CCT4: variants seen among roughly 807,000 people sequenced by gnomAD.
The protein encoded by CCT4 is T-complex protein 1 subunit delta.
A neutral mutation model predicts 62.5 loss-of-function variants in CCT4; 17 were observed. The observed-to-expected ratio is 0.27, with a 90% CI of 0.19 to 0.41. The LOEUF is 0.41. Among genes scored for constraint, CCT4 ranks in the 10% least tolerant of loss-of-function variants. The pLI is 1.00. For synonymous variants in CCT4, 250 were observed against 229.9 expected (o/e 1.09, Z -0.79); for missense variants, 592 against 659.2 (o/e 0.90, Z 1.12).
intron 13 of CCT4, 72 bp downstream of exon 13, chr2:61,869,368 A>G: frequency 1.2e-6 from 1 of 857,970 alleles, no homozygotes; most frequent in Non-Finnish European, 1.9e-6. Flanking sequence ...AACAACAACA[A>G]CAACAAAAAA....
intron 7 of CCT4, 97 bp from the exon 8 acceptor site, chr2:61,876,331 C>G: frequency 1.2e-6 from 1 of 831,762 alleles, no homozygotes. Context: ...ATAAATTCAA[C>G]CAAAACTATA....
At position 61,872,257 on chromosome 2, in the gene CCT4, T is replaced by C. The variant is rs1668899894; in HGVS notation, c.1316A>G (p.Tyr439Cys). 4 of 1,613,256 alleles carry C rather than the reference T, an allele frequency of 2.5e-6. No individual in the cohort carries two copies. The highest frequency in any genetic ancestry group is 2.2e-5 in the East Asian group (1 of 44,862). The change falls in exon 12 of 14, where the codon TAT becomes TGT. Residue 439 changes from tyrosine (Y) to cysteine (C), a missense_variant. Tyr to Cys is a radical substitution (Grantham distance 194). Around this residue, in one of 3 missense-constraint regions of CCT4, gnomAD observed 522 missense variants for 571.2 expected, o/e 0.91. Transcript: ENST00000394440. ...EIELALRLTE[Y>C]SRTLSGMESY... ...TTCCATACCACTCAGTGTTCGTGAATATTCAGTTAATCGTAGGGCCAACTC... is the reference window on the plus strand; with the variant it reads ...TTCCATACCACTCAGTGTTCGTGAACATTCAGTTAATCGTAGGGCCAACTC...
chr2:61,881,916 G>A (rs1553362732), intron 3 of CCT4, among the ~76,000 whole-genome samples: 1 of 148,080 alleles, frequency 6.8e-6, no homozygotes, highest in Non-Finnish European at 1.5e-5. Flanking sequence ...AACTCAGAGG[G>A]ATTTTTTTGA....
intron 1 of CCT4, among the ~76,000 whole-genome samples, chr2:61,886,765 CTT>C (rs111946452): frequency 3.4e-5 from 5 of 145,774 alleles, no homozygotes; most frequent in African/African-American, 5.0e-5. Flanking sequence ...CCAAATTTAT[CTT>C]TTTTTTTTTT....
In CCT4 at chr2:61,888,615, A is replaced by T; in HGVS notation, c.-108T>A. 1 of 1,342,976 alleles carries T rather than the reference A, an allele frequency of 7.4e-7. No individual in the cohort carries two copies. Among genetic ancestry groups the T allele is most frequent in the East Asian group, 2.6e-5 (1 of 38,298 alleles). The allele number at this position is 1,342,976 out of a possible 1,614,324, so 83.2% of individuals were successfully genotyped here. A position where few individuals can be genotyped will look rare whatever the true frequency, so the allele number is the denominator to read the frequency against. On this transcript the variant is annotated 5_prime_UTR_variant, in exon 1 of 14. Coordinates refer to ENST00000394440, the MANE Select transcript of CCT4 (RefSeq NM_006430.4). ...CCCTCACTGCCTTCACGAACCTTCC[A>T]GAAAGCGGCGCCGGCGTCGGGAGGA...
chr2:61,884,215 A>C (rs539803113), intron 2 of CCT4, among the ~76,000 whole-genome samples: 1 of 152,212 alleles, frequency 6.6e-6, no homozygotes, highest in Non-Finnish European at 1.5e-5. Context: ...ATTGTTTAAG[A>C]AGCATTAAAC....
At chr2:61,883,311 C>T in intron 3 of CCT4, 148 bp downstream of exon 3, 1 of 544,688 alleles carries the variant, frequency 1.8e-6, no homozygotes. Flanking sequence ...ATCCCAGCTA[C>T]TCAGGAGGCT....
At chr2:61,872,376 T>G in intron 11 of CCT4, 60 bp from the exon 12 acceptor site, 1 of 1,430,572 alleles carries the variant, frequency 7.0e-7, no homozygotes, top group Non-Finnish European at 9.4e-7. Context: ...TTTTTAATAA[T>G]TTGCTATTTA....
intron 8 of CCT4, 98 bp downstream of exon 8, chr2:61,875,994 TAGA>T (rs1398279436): frequency 2.9e-6 from 2 of 687,336 alleles, no homozygotes; most frequent in African/African-American, 3.6e-5. Context: ...AATACGAACT[TAGA>T]GTAAGTGCTT....
Position 61,876,990 on chromosome 2 carries a change from G to T in CCT4, c.707C>A (p.Ser236Tyr). The T allele has an allele frequency of 6.2e-7, 1 of 1,613,744 alleles. No homozygotes were observed. Among genetic ancestry groups the T allele is most frequent in the Non-Finnish European group, 8.5e-7 (1 of 1,179,670 alleles). Reference protein sequence around the residue: ...GLVLTQKVSNSGITRVEKAKI... With the variant: ...GLVLTQKVSNYGITRVEKAKI... ...GGCCTTTTCAACTCTGGTTATGCCA[G>T]AATTTGACACTTTTTGGGTGAGAAC... The change falls in exon 7 of 14, where the codon TCT becomes TAT. Residue 236 changes from serine (S) to tyrosine (Y), a missense_variant. Ser to Tyr is a moderately radical substitution (Grantham distance 144, BLOSUM62 -2). Transcript: ENST00000394440.
chr2:61,883,877 C>T (rs1014240462), intron 2 of CCT4, among the ~76,000 whole-genome samples: 1 of 151,934 alleles, frequency 6.6e-6, no homozygotes, highest in African/African-American at 2.4e-5. Context: ...TAATCAGAAA[C>T]ACGATTTCCA....
chr2:61,870,425 G>A (rs1047590472), intron 12 of CCT4, among the ~76,000 whole-genome samples: 10 of 151,888 alleles, frequency 6.6e-5, no homozygotes, highest in Admixed American at 2.0e-4. Context: ...CCTTTATCCC[G>A]GGATTACTCC....
chr2:61,881,012 A>C (rs1400575399), intron 3 of CCT4, among the ~76,000 whole-genome samples: 1 of 152,160 alleles, frequency 6.6e-6, no homozygotes, highest in Non-Finnish European at 1.5e-5. Context: ...GGCATGAACC[A>C]CCATTCCCAG....
chr2:61,879,231 G>T (rs1669061381), intron 4 of CCT4, among the ~76,000 whole-genome samples: 1 of 145,494 alleles, frequency 6.9e-6, no homozygotes, highest in African/African-American at 2.6e-5. Context: ...CTTATTAATG[G>T]TCTTGACTAA....
chr2:61,872,365 AT>A, intron 11 of CCT4, 49 bp from the exon 12 acceptor site: 1 of 1,433,708 alleles, frequency 7.0e-7, no homozygotes, highest in Non-Finnish European at 9.4e-7. Flanking sequence ...AAAGAAAATT[AT>A]TTTTAATAAT....
chr2:61,875,317 G>A (rs1668974820), intron 8 of CCT4, among the ~76,000 whole-genome samples: 1 of 152,012 alleles, frequency 6.6e-6, no homozygotes. Context: ...GGTGGCTCAT[G>A]CCTGTAATCC....
chr2:61,874,433 A>G (rs1668953707), intron 8 of CCT4, among the ~76,000 whole-genome samples: 1 of 152,060 alleles, frequency 6.6e-6, no homozygotes, highest in African/African-American at 2.4e-5. Flanking sequence ...AGCCTGACCA[A>G]CATGATAAAA....
chr2:61,884,181 A>G (rs1265860413), intron 2 of CCT4, among the ~76,000 whole-genome samples: 1 of 152,244 alleles, frequency 6.6e-6, no homozygotes, highest in Non-Finnish European at 1.5e-5. Flanking sequence ...CATAATAGAT[A>G]TCTATATTTG....
At chr2:61,881,940 T>G (rs1357733218) in intron 3 of CCT4, among the ~76,000 whole-genome samples, 1 of 106,864 alleles carries the variant, frequency 9.4e-6, no homozygotes, top group African/African-American at 2.7e-5. Context: ...AAGTTCCTTT[T>G]TTTTTTTTTT....
Sources: gnomAD v4.1 joint callset for allele counts (sites outside exome capture counted in the v4.1 genomes callset) on GRCh38, gnomAD v4.1.1 for gene constraint, gnomAD v4.1.1 regional missense constraint, MANE v1.5 for transcripts, NCBI Gene and HGNC (gene_info 2026-07-23, HGNC 2026-07-21) for gene names.